EPHX4: variants seen among roughly 807,000 people sequenced by gnomAD.
EPHX4 encodes epoxide hydrolase 4.
Under a neutral mutation model 44.9 loss-of-function variants are expected in EPHX4, and 31 were observed. That is an observed-to-expected ratio of 0.69 (90% CI 0.52 to 0.93). The LOEUF is 0.93. Ranked by LOEUF, EPHX4 falls within the 40% of genes least tolerant of loss-of-function variation. The pLI is 0.00. For missense variants in EPHX4, 373 were observed against 438.1 expected (o/e 0.85, Z 1.33); for synonymous variants, 151 against 159.7 (o/e 0.95, Z 0.41).
At chr1:92,035,793 T>A (rs957467142) in intron 2 of EPHX4, among the ~76,000 whole-genome samples, 17 of 152,096 alleles carry the variant, frequency 1.1e-4, no homozygotes, top group African/African-American at 3.9e-4. Context: ...CTCCAGTGTG[T>A]GTTGTTCCCC....
intron 4 of EPHX4, among the ~76,000 whole-genome samples, chr1:92,047,175 G>A (rs969477852): frequency 5.3e-5 from 8 of 152,110 alleles, no homozygotes; most frequent in South Asian, 2.1e-4. Context: ...GAGATTATCC[G>A]ACAAATACCC....
At position 92,054,523 on chromosome 1, in the gene EPHX4, G is replaced by A. The variant is rs143717859; in HGVS notation, c.857+1865G>A. ...GAATCGCTTGAACCTGGGAGGCGGC[G>A]GTTGCAGTGAACCGAGATCACGCCA... On this transcript the variant is annotated intron_variant, in intron 6 of 6. Coordinates refer to ENST00000370383, the MANE Select transcript of EPHX4 (RefSeq NM_173567.5). 5.4e-3 allele frequency among the ~76,000 whole-genome samples: 815 copies of A among 150,594 alleles called. 5 individuals carry two copies. The highest frequency in any genetic ancestry group is 0.017 in the Middle Eastern group (5 of 290).
chr1:92,062,459 C>T (rs1647518905), intron 6 of EPHX4, among the ~76,000 whole-genome samples: 1 of 151,858 alleles, frequency 6.6e-6, no homozygotes. Flanking sequence ...TTGGCAGGCA[C>T]CTGTAGTCCC....
rs1233331980 is a variant in EPHX4 at position 92,037,512 on chromosome 1, C to T, written c.317+4922C>T. On this transcript the variant is annotated intron_variant, in intron 2 of 6. Coordinates refer to ENST00000370383, the MANE Select transcript of EPHX4 (RefSeq NM_173567.5). ...TCTCTCTCTCCACTTCAATTTGCAT[C>T]TCCTTTAAAAATATTTTGAGCTGAG... Among the ~76,000 whole-genome samples, 67 of 152,324 alleles carry T rather than the reference C, an allele frequency of 4.4e-4. 1 individual carries two copies. In the East Asian group the frequency reaches 0.012, roughly 27 times the overall value.
chr1:92,051,272 T>C (rs1208989099), intron 5 of EPHX4, among the ~76,000 whole-genome samples: 3 of 151,892 alleles, frequency 2.0e-5, no homozygotes, highest in East Asian at 1.9e-4. Context: ...CCAATGCCAC[T>C]ATCAAACCTA....
chr1:92,045,656 T>C lies in EPHX4; in HGVS notation c.600T>C (p.Phe200=). The C allele has an allele frequency of 6.2e-7, 1 of 1,613,958 alleles. No individual in the cohort carries two copies. Among genetic ancestry groups the C allele is most frequent in the Non-Finnish European group, 8.5e-7 (1 of 1,179,938 alleles). Residue 200 remains phenylalanine, a synonymous_variant, in exon 4 of 7, where the codon TTT becomes TTC. Transcript: ENST00000370383. ...IVINFPHPNV[F]TEYILRHPAQ... is the part of the protein sequence containing the mutation. ...TTAACTTCCCTCATCCAAATGTATT[T>C]ACAGGTGAGTTCAAGTTTTTATCAA...
Position 92,029,985 on chromosome 1 carries a change from G to C in EPHX4, c.-95G>C. 1 of 809,546 alleles carries C rather than the reference G, an allele frequency of 1.2e-6. No individual in the cohort carries two copies. The highest frequency in any genetic ancestry group is 1.6e-6 in the Non-Finnish European group (1 of 610,676). 50.1% of individuals were successfully genotyped at this position (809,546 alleles called of 1,614,324 possible). On this transcript the variant is annotated 5_prime_UTR_variant, in exon 1 of 7. Transcript: ENST00000370383. Reference sequence around the variant, plus strand: ...CCGGCCGCCCCGGGCCGGGGGAGGCGCGCGTCGAGAGGCGACGGCGGGCTG... The same window carrying C: ...CCGGCCGCCCCGGGCCGGGGGAGGCCCGCGTCGAGAGGCGACGGCGGGCTG...
At chr1:92,053,232 A>G (rs1259097904) in intron 6 of EPHX4, among the ~76,000 whole-genome samples, 3 of 152,172 alleles carry the variant, frequency 2.0e-5, no homozygotes, top group Non-Finnish European at 4.4e-5. Context: ...GATTGGGGAC[A>G]GGGGGACAGG....
At chr1:92,060,845 T>C (rs1371340751) in intron 6 of EPHX4, among the ~76,000 whole-genome samples, 2 of 152,148 alleles carry the variant, frequency 1.3e-5, no homozygotes, top group Non-Finnish European at 2.9e-5. Context: ...TTTTGAACAT[T>C]ATTGTGCTCT....
chr1:92,031,292 C>G (rs1038893107), intron 1 of EPHX4, among the ~76,000 whole-genome samples: 2 of 152,148 alleles, frequency 1.3e-5, no homozygotes, highest in African/African-American at 4.8e-5. Context: ...GTGCCCATAA[C>G]ATTTAATCCT....
intron 4 of EPHX4, among the ~76,000 whole-genome samples, chr1:92,049,841 G>A (rs1647215743): frequency 6.6e-6 from 1 of 152,106 alleles, no homozygotes; most frequent in Non-Finnish European, 1.5e-5. Context: ...GCTCATGCCT[G>A]TAATCCCAGC....
chr1:92,047,512 A>G (rs374831612), intron 4 of EPHX4, among the ~76,000 whole-genome samples: 29 of 152,330 alleles, frequency 1.9e-4, no homozygotes, highest in East Asian at 1.2e-3. Context: ...GAACTGCTTT[A>G]TGTGTACTTT....
At chr1:92,045,478 A>T in intron 3 of EPHX4, 54 bp from the exon 4 acceptor site, 2 of 1,602,822 alleles carry the variant, frequency 1.2e-6, no homozygotes, top group Non-Finnish European at 1.7e-6. Flanking sequence ...GTGAGGTAAC[A>T]GTGCACCCAC....
chr1:92,061,780 G>A (rs74102814), intron 6 of EPHX4, among the ~76,000 whole-genome samples: 6,462 of 152,216 alleles, frequency 0.042, 168 homozygotes, highest in African/African-American at 0.072. Context: ...TACGTGTACT[G>A]TGTATAAATT....
At chr1:92,042,124 G>T (rs1688516096) in intron 2 of EPHX4, among the ~76,000 whole-genome samples, 1 of 152,186 alleles carries the variant, frequency 6.6e-6, no homozygotes. Context: ...ACTTTGGGAG[G>T]CTGAAGCAGG....
At chr1:92,044,091 C>T (rs1688550311) in intron 3 of EPHX4, among the ~76,000 whole-genome samples, 1 of 152,160 alleles carries the variant, frequency 6.6e-6, no homozygotes. Flanking sequence ...TTGACTGAAA[C>T]CAAGCTGCTA....
chr1:92,052,547 T>C lies in EPHX4; in HGVS notation c.746T>C (p.Ile249Thr), dbSNP rs763895040. ...KHLFTSHSTGIGRKGCQLTTE... is the reference protein window; with the variant it reads ...KHLFTSHSTGTGRKGCQLTTE... ...CTGTTTACCAGTCACAGCACTGGCA[T>C]TGGAAGAAAAGGATGCCAATTAACA... The change falls in exon 6 of 7, where the codon ATT (isoleucine) becomes ACT (threonine). Residue 249 changes from isoleucine (I) to threonine (T), a missense_variant. Transcript: ENST00000370383. 3.0e-5 allele frequency: 49 copies of C among 1,611,504 alleles called. No homozygotes were observed. The highest frequency in any genetic ancestry group is 4.0e-5 in the Non-Finnish European group (47 of 1,179,080).
intron 6 of EPHX4, among the ~76,000 whole-genome samples, chr1:92,060,252 A>AT (rs1370466693): frequency 6.7e-6 from 1 of 149,814 alleles, no homozygotes. Flanking sequence ...AGAAAAAAAA[A>AT]TTTTTTTTTT....
chr1:92,052,792 G>T (rs1647290761), intron 6 of EPHX4, 134 bp downstream of exon 6: 3 of 767,682 alleles, frequency 3.9e-6, no homozygotes, highest in Non-Finnish European at 5.9e-6. Flanking sequence ...TTAGTAAGTT[G>T]CATAATCTTT....
Sources: gnomAD v4.1 joint callset for allele counts (sites outside exome capture counted in the v4.1 genomes callset) on GRCh38, gnomAD v4.1.1 for gene constraint, MANE v1.5 for transcripts, NCBI Gene and HGNC (gene_info 2026-07-23, HGNC 2026-07-21) for gene names.